Variants in TMEM131 observed in about 807,000 individuals in gnomAD.
TMEM131 encodes 2610524E03Rik.
TMEM131 carries 66 observed loss-of-function variants against 211.6 expected under a neutral mutation model. That is an observed-to-expected ratio of 0.31 (90% CI 0.26 to 0.38). TMEM131 has a LOEUF of 0.38. Ranked by LOEUF, TMEM131 falls within the 10% of genes least tolerant of loss-of-function variation. TMEM131 has a pLI of 1.00. For synonymous variants in TMEM131, 844 were observed against 841.3 expected (o/e 1.00, Z -0.06); for missense variants, 2,036 against 2,299.3 (o/e 0.89, Z 2.34).
Position 97,809,973 on chromosome 2 carries a change from A to G in TMEM131, c.1969-199T>C, listed in dbSNP as rs145634353. On this transcript the variant is annotated intron_variant, in intron 18 of 40. Transcript: ENST00000186436. ...CATAAAATGTAATGAAATATAACACATTTCCACAGATTTCTCAGTGATTCA... is the reference window on the plus strand; with the variant it reads ...CATAAAATGTAATGAAATATAACACGTTTCCACAGATTTCTCAGTGATTCA... Among the ~76,000 whole-genome samples, 106 of 152,332 alleles carry G rather than the reference A, an allele frequency of 7.0e-4. 1 individual carries two copies. The East Asian group carries it at 0.018, about 26-fold the overall frequency.
At chr2:97,899,721 CCAGGAATTTATCCTACACATAAA>C (rs1675770138) in intron 3 of TMEM131, among the ~76,000 whole-genome samples, 1 of 152,094 alleles carries the variant, frequency 6.6e-6, no homozygotes, top group Non-Finnish European at 1.5e-5. Flanking sequence ...AACCCCACTT[CCAGGAATTTATCCTACACATAAA>C]CTTTATATCT....
At chr2:97,779,978 C>CCA (rs997954490) in intron 31 of TMEM131, among the ~76,000 whole-genome samples, 22 of 152,058 alleles carry the variant, frequency 1.4e-4, no homozygotes, top group African/African-American at 4.6e-4. Context: ...TATGATTGCA[C>CCA]CACTGCACTC....
At chr2:97,881,786 C>A (rs184886158) in intron 4 of TMEM131, among the ~76,000 whole-genome samples, 1 of 148,090 alleles carries the variant, frequency 6.8e-6, no homozygotes, top group East Asian at 2.0e-4. Flanking sequence ...AGGGGCCATT[C>A]TGTATTACAG....
At chr2:97,818,743 A>G in intron 11 of TMEM131, 22 bp from the exon 12 acceptor site, 3 of 1,452,556 alleles carry the variant, frequency 2.1e-6, no homozygotes, top group South Asian at 2.4e-5. Context: ...ACAAAAATAC[A>G]TACATGGCAT....
rs532799899 is a variant in TMEM131, at chr2:97,778,050, A to G, written c.4145-2032T>C. 6.1e-4 allele frequency among the ~76,000 whole-genome samples: 93 copies of G among 152,210 alleles called. 1 individual carries two copies. The highest frequency in any genetic ancestry group is 2.2e-3 in the African/African-American group (93 of 41,516). On this transcript the variant is annotated intron_variant, in intron 31 of 40. Transcript: ENST00000186436. The stretch of plus-strand genomic sequence containing the variant: ...TCAAGATCAGTTCCCCATATAATAA[A>G]CTTCTCACCTGCAATTATACAATTT...
At chr2:97,846,695 T>C (rs965382206) in intron 5 of TMEM131, among the ~76,000 whole-genome samples, 17 of 152,186 alleles carry the variant, frequency 1.1e-4, no homozygotes, top group African/African-American at 4.1e-4. Flanking sequence ...TTTAAAGCTA[T>C]CATTAGTGTA....
chr2:97,833,931 G>A (rs1224687929), intron 10 of TMEM131, among the ~76,000 whole-genome samples: 3 of 152,040 alleles, frequency 2.0e-5, no homozygotes, highest in Non-Finnish European at 4.4e-5. Context: ...CCAAAATGCT[G>A]GGATTATAGG....
intron 29 of TMEM131, among the ~76,000 whole-genome samples, chr2:97,794,016 C>A (rs11891489): frequency 0.35 from 33,428 of 95,598 alleles, 5,949 homozygotes; most frequent in African/African-American, 0.4. Flanking sequence ...AAAAAAAAAA[C>A]AAAAAACCCA....
At chr2:97,923,000 T>C (rs974972244) in intron 2 of TMEM131, among the ~76,000 whole-genome samples, 4 of 152,182 alleles carry the variant, frequency 2.6e-5, no homozygotes, top group Non-Finnish European at 5.9e-5. Context: ...TTATAAAACA[T>C]GGCTTTTGCC....
In TMEM131 at chr2:97,954,806, C is replaced by CAAA. The variant is rs778680522; in HGVS notation, c.188-27322_188-27320dup. 8.2e-3 allele frequency among the ~76,000 whole-genome samples: 302 copies of CAAA among 36,624 alleles called. 9 individuals are homozygous for CAAA. Among genetic ancestry groups the CAAA allele is most frequent in the Middle Eastern group, 0.036 (2 of 56 alleles). 24.0% of individuals were successfully genotyped at this position (36,624 alleles called of 152,430 possible). On this transcript the variant is annotated intron_variant, in intron 1 of 40. Transcript: ENST00000186436. ...GGGAGACAAGAGTGAAACTCCATCT[C>CAAA]AAAAAAAAAAAAAAAAAAAAAAACT...
chr2:97,794,745 T>C (rs778329847), intron 29 of TMEM131, among the ~76,000 whole-genome samples, 185 bp downstream of exon 29: 53 of 152,244 alleles, frequency 3.5e-4, no homozygotes, highest in Non-Finnish European at 5.0e-4. Context: ...CTGTTTATTA[T>C]ATATGCCACC....
intron 33 of TMEM131, among the ~76,000 whole-genome samples, chr2:97,766,873 T>A (rs1197520285): frequency 6.6e-6 from 1 of 152,140 alleles, no homozygotes; most frequent in Non-Finnish European, 1.5e-5. Context: ...TAATAATACG[T>A]AACGTGAGGG....
intron 39 of TMEM131, 64 bp from the exon 40 acceptor site, chr2:97,759,117 G>A: frequency 6.3e-7 from 1 of 1,594,778 alleles, no homozygotes; most frequent in Non-Finnish European, 8.6e-7. Flanking sequence ...ATAGCATATG[G>A]GGCTTCACTC....
At chr2:97,912,898 C>T (rs1676345694) in intron 2 of TMEM131, among the ~76,000 whole-genome samples, 2 of 152,146 alleles carry the variant, frequency 1.3e-5, no homozygotes, top group African/African-American at 4.8e-5. Flanking sequence ...ATAGACCAGC[C>T]TCGGCAAAAA....
At position 97,757,014 on chromosome 2, in the gene TMEM131, G is replaced by C. The variant is rs1678519199; in HGVS notation, c.*85C>G. 6.9e-7 allele frequency: 1 copy of C among 1,453,232 alleles called. No individual in the cohort carries two copies. Among genetic ancestry groups the C allele is most frequent in the African/African-American group, 1.4e-5 (1 of 70,472 alleles). The allele number at this position is 1,453,232 out of a possible 1,614,324, so 90.0% of individuals were successfully genotyped here. A position where few individuals can be genotyped will look rare whatever the true frequency, so the allele number is the denominator to read the frequency against. ...GAGGAGGGTGGGGAGGGGAGCTGCA[G>C]TAAGAGCCTTAAAAAGATGTCTCAG... On this transcript the variant is annotated 3_prime_UTR_variant, in exon 41 of 41. Transcript: ENST00000186436.
chr2:97,937,473 T>C (rs1310447444), intron 1 of TMEM131, among the ~76,000 whole-genome samples: 7 of 152,102 alleles, frequency 4.6e-5, no homozygotes, highest in African/African-American at 7.2e-5. Context: ...AAAAAAGGCA[T>C]GAAGAATATT....
At chr2:97,893,789 T>A (rs1183228777) in intron 3 of TMEM131, among the ~76,000 whole-genome samples, 1 of 152,154 alleles carries the variant, frequency 6.6e-6, no homozygotes, top group African/African-American at 2.4e-5. Flanking sequence ...TAGCTCTTTG[T>A]CAGATAGATT....
At chr2:97,924,638 T>A (rs1676904243) in intron 2 of TMEM131, among the ~76,000 whole-genome samples, 1 of 152,128 alleles carries the variant, frequency 6.6e-6, no homozygotes, top group African/African-American at 2.4e-5. Flanking sequence ...GTGAGTTCGT[T>A]CCTGTAATGC....
rs1011540622 is a variant in TMEM131 at position 97,772,322 on chromosome 2, C to G, written c.4423G>C (p.Glu1475Gln). Reference sequence around the variant, plus strand: ...CTGGGTTTCACATCTGTTGGGATTTCTTTCTTAATATTTAAGAGTTTTTTG... The same window carrying G: ...CTGGGTTTCACATCTGTTGGGATTTGTTTCTTAATATTTAAGAGTTTTTTG... ...KSKKLLNIKK[E>Q]IPTDVKPSSL... Residue 1475 changes from glutamate (E) to glutamine (Q), a missense_variant, in exon 33 of 41, where the codon GAA (glutamate) becomes CAA (glutamine). By Grantham distance (29) the Glu-to-Gln change is conservative. Around this residue, in one of 3 missense-constraint regions of TMEM131, gnomAD observed 1,623 missense variants for 1,805.9 expected, o/e 0.90. Transcript: ENST00000186436. 3 of 1,602,964 alleles carry G rather than the reference C, an allele frequency of 1.9e-6. No individual in the cohort carries two copies. In the African/African-American group the frequency reaches 4.1e-5, roughly 22 times the overall value.
Sources: gnomAD v4.1 joint callset for allele counts (sites outside exome capture counted in the v4.1 genomes callset) on GRCh38, gnomAD v4.1.1 for gene constraint, gnomAD v4.1.1 regional missense constraint, MANE v1.5 for transcripts, NCBI Gene and HGNC (gene_info 2026-07-23, HGNC 2026-07-21) for gene names.